The following PCDHGA6 variants were observed in gnomAD, a reference collection of about 807,000 sequenced individuals.
The protein encoded by PCDHGA6 is protocadherin gamma subfamily A, 6.
PCDHGA6 carries 41 observed loss-of-function variants against 60.6 expected under a neutral mutation model. That is an observed-to-expected ratio of 0.68 (90% CI 0.53 to 0.88). The LOEUF is 0.88. Ranked by LOEUF, PCDHGA6 falls within the 40% of genes least tolerant of loss-of-function variation. PCDHGA6 has a pLI of 0.00. For missense variants in PCDHGA6, 1,312 were observed against 1,203.0 expected (o/e 1.09, Z -1.34); for synonymous variants, 594 against 524.4 (o/e 1.13, Z -1.81).
chr5:141,374,675 G>A lies in PCDHGA6; in HGVS notation c.592G>A (p.Gly198Ser), dbSNP rs1770710965. 1.2e-6 allele frequency: 2 copies of A among 1,610,644 alleles called. No homozygotes were observed. Among genetic ancestry groups the A allele is most frequent in the South Asian group, 1.1e-5 (1 of 90,712 alleles). The change falls in exon 1 of 4, where the codon GGC (glycine) becomes AGC (serine). Residue 198 changes from glycine (G) to serine (S), a missense_variant. Gly to Ser is a moderately conservative substitution (Grantham distance 56). Coordinates refer to ENST00000517434, the MANE Select transcript of PCDHGA6 (RefSeq NM_018919.3). ...GPKYPELVLE[G>S]TLDREGEAVY... ...CAAGTACCCGGAGCTGGTGCTGGAG[G>A]GCACACTGGACCGGGAAGGAGAAGC... is the stretch of plus-strand genomic sequence containing the variant.
intron 1 of PCDHGA6, chr5:141,419,893 TCCC>T (rs571839457): frequency 5.0e-5 from 81 of 1,613,960 alleles, no homozygotes; most frequent in Non-Finnish European, 6.5e-5. Context: ...TCAGCGACCA[TCCC>T]ACACCCTCTG....
chr5:141,394,561 A>ACCTGCGGAGCTACCT, intron 1 of PCDHGA6: 2 of 1,613,954 alleles, frequency 1.2e-6, no homozygotes, highest in Non-Finnish European at 1.7e-6. Context: ...CGCTCCGCAG[A>ACCTGCGGAGCTACCT]GCGTGGCTAC....
intron 1 of PCDHGA6, chr5:141,427,017 TAC>T (rs764268354): frequency 2.2e-5 from 10 of 456,792 alleles, no homozygotes; most frequent in South Asian, 1.4e-4. Context: ...CCAGGATGTA[TAC>T]AAAGTCAGCC....
At chr5:141,379,309 C>T (rs1297432422) in intron 1 of PCDHGA6, 3 of 152,102 alleles carry the variant, frequency 2.0e-5, no homozygotes, top group Admixed American at 1.3e-4. Context: ...TATACCTAAA[C>T]AAGAGATCTA....
At chr5:141,381,556 T>G (rs1777268817) in intron 1 of PCDHGA6, among the ~76,000 whole-genome samples, 1 of 152,200 alleles carries the variant, frequency 6.6e-6, no homozygotes, top group Admixed American at 6.5e-5. Context: ...TGAATTGAAT[T>G]GCATAATGAA....
At chr5:141,407,240 C>T (rs1011878099) in intron 1 of PCDHGA6, among the ~76,000 whole-genome samples, 3 of 152,158 alleles carry the variant, frequency 2.0e-5, no homozygotes, top group African/African-American at 7.2e-5. Context: ...ATAAAGCATA[C>T]TTCAGGCTCA....
chr5:141,466,014 C>T (rs962233749), intron 1 of PCDHGA6, among the ~76,000 whole-genome samples: 75 of 151,848 alleles, frequency 4.9e-4, no homozygotes, highest in African/African-American at 1.2e-3. Flanking sequence ...CCCAGCTACT[C>T]GGGAGGGTGA....
At chr5:141,494,638 A>G (rs2099755799) in intron 1 of PCDHGA6, 169 bp from the exon 2 acceptor site, 1 of 896,388 alleles carries the variant, frequency 1.1e-6, no homozygotes, top group African/African-American at 1.8e-5. Context: ...GACCTCTGAG[A>G]CCTGAGGTGT....
rs113107293 is a variant in PCDHGA6, at chr5:141,432,844, A to G, written c.2424+56337A>G. ...CAGACCTCACTCTGTACCTGGTGGTAGCGGTGGCCGCGGTCTCCTGCGTCT... is the reference window on the plus strand; with the variant it reads ...CAGACCTCACTCTGTACCTGGTGGTGGCGGTGGCCGCGGTCTCCTGCGTCT... On this transcript the variant is annotated intron_variant, in intron 1 of 3. Coordinates refer to ENST00000517434, the MANE Select transcript of PCDHGA6 (RefSeq NM_018919.3). This position sits in a 1 kb window ranked among gnomAD's most constrained non-coding sequence, Gnocchi z 6.0. 0.01 allele frequency: 16,860 copies of G among 1,614,178 alleles called. 121 individuals carry two copies. Among genetic ancestry groups the G allele is most frequent in the Non-Finnish European group, 0.012 (14,441 of 1,180,006 alleles).
chr5:141,504,541 C>G (rs1050153403), intron 2 of PCDHGA6, among the ~76,000 whole-genome samples: 2 of 151,728 alleles, frequency 1.3e-5, no homozygotes, highest in Non-Finnish European at 2.9e-5. Context: ...GTCATCATGG[C>G]AAATGTTGGG....
intron 1 of PCDHGA6, among the ~76,000 whole-genome samples, chr5:141,482,498 T>G (rs1226516612): frequency 1.5e-5 from 2 of 135,390 alleles, no homozygotes; most frequent in African/African-American, 3.0e-5. Context: ...GTTATCATTC[T>G]GGTACCCAGA....
chr5:141,388,458 C>T, intron 1 of PCDHGA6: 1 of 1,613,696 alleles, frequency 6.2e-7, no homozygotes, highest in Non-Finnish European at 8.5e-7. Context: ...CAGTAAATAC[C>T]CTGAGATGGT....
intron 1 of PCDHGA6, chr5:141,390,423 C>T: frequency 9.4e-7 from 1 of 1,058,546 alleles, no homozygotes; most frequent in Non-Finnish European, 1.3e-6. Context: ...AGTTAAAAAG[C>T]TGTCATATCA....
Position 141,490,369 on chromosome 5 carries a change from C to T in PCDHGA6, c.2425-4438C>T, listed in dbSNP as rs201347968. On this transcript the variant is annotated intron_variant, in intron 1 of 3. Transcript: ENST00000517434. This position sits in a 1 kb window ranked among gnomAD's most constrained non-coding sequence, Gnocchi z 5.4. ...AGTGGGGTTGTTTAATGTGCGAGAC[C>T]GGGACTCAGGTAGAAATGGTGAAGT... The T allele has an allele frequency of 4.0e-5, 64 of 1,614,090 alleles. No individual in the cohort carries two copies. In the Admixed American group the frequency reaches 6.0e-4, roughly 15 times the overall value.
chr5:141,441,280 G>A (rs2098237221), intron 1 of PCDHGA6: 1 of 152,090 alleles, frequency 6.6e-6, no homozygotes, highest in East Asian at 1.9e-4. Flanking sequence ...GGGAGAAAAC[G>A]AGGTCACATG....
intron 1 of PCDHGA6, among the ~76,000 whole-genome samples, chr5:141,464,454 A>G (rs999305559): frequency 6.6e-6 from 1 of 151,542 alleles, no homozygotes; most frequent in Non-Finnish European, 1.5e-5. Context: ...TGTTGTTGTT[A>G]TTTTTGAAGT....
chr5:141,382,941 C>T (rs750185010), intron 1 of PCDHGA6: 2 of 1,594,792 alleles, frequency 1.3e-6, no homozygotes, highest in Non-Finnish European at 1.7e-6. Context: ...GAGGATTCTT[C>T]CTGCTCTCCA....
At chr5:141,508,824 G>T (rs893436748) in intron 3 of PCDHGA6, among the ~76,000 whole-genome samples, 1 of 151,952 alleles carries the variant, frequency 6.6e-6, no homozygotes, top group Non-Finnish European at 1.5e-5. Context: ...CCAGATCTGG[G>T]CCCCCCTCCC....
chr5:141,456,463 G>A (rs1195450847), intron 1 of PCDHGA6, among the ~76,000 whole-genome samples: 1 of 152,122 alleles, frequency 6.6e-6, no homozygotes, highest in Non-Finnish European at 1.5e-5. Context: ...ATCAATACAA[G>A]ACATATAAGC....
Sources: allele counts gnomAD v4.1 joint callset (sites outside exome capture counted in the v4.1 genomes callset), GRCh38; gene constraint gnomAD v4.1.1; non-coding constraint Gnocchi (gnomAD v3.1); transcripts MANE v1.5; gene names NCBI Gene and HGNC (gene_info 2026-07-23, HGNC 2026-07-21).